SEMA5A: variants seen among roughly 807,000 people sequenced by gnomAD.
SEMA5A encodes semaphorin-5A.
A neutral mutation model predicts 135.5 loss-of-function variants in SEMA5A; 55 were observed. That is an observed-to-expected ratio of 0.41 (90% CI 0.33 to 0.51). The LOEUF (loss-of-function observed/expected upper bound fraction) is 0.51, where lower values mean the gene tolerates loss of function less well. SEMA5A is among the 20% of genes least tolerant of loss of function. The probability of loss-of-function intolerance (pLI) is 0.37; values close to 1 mark genes in which losing one functional copy is unlikely to be tolerated. For synonymous variants in SEMA5A, 580 were observed against 546.5 expected, an observed-to-expected ratio of 1.06 and a Z score of -0.85; for missense variants, 1,290 against 1,419.9, an observed-to-expected ratio of 0.91 and a Z score of 1.47.
At chr5:9,197,089 T>A in intron 10 of SEMA5A, 79 bp downstream of exon 10, 1 of 1,583,574 alleles carries the variant, frequency 6.3e-7, no homozygotes, top group Non-Finnish European at 8.6e-7. Flanking sequence ...CGGTTTAAAT[T>A]ACCCTTGCCT....
chr5:9,412,050 G>A (rs975853405), intron 2 of SEMA5A, among the ~76,000 whole-genome samples: 9 of 152,142 alleles, frequency 5.9e-5, no homozygotes, highest in Admixed American at 2.6e-4. Flanking sequence ...TCACCTATAG[G>A]AGGATAAACT....
chr5:9,048,192 T>A (rs908614515), intron 21 of SEMA5A, among the ~76,000 whole-genome samples: 2 of 152,174 alleles, frequency 1.3e-5, no homozygotes, highest in African/African-American at 4.8e-5. Flanking sequence ...CTACTGTGGC[T>A]CGAGCCTCCC....
intron 1 of SEMA5A, among the ~76,000 whole-genome samples, chr5:9,484,559 A>G (rs929367815): frequency 6.6e-6 from 1 of 152,230 alleles, no homozygotes; most frequent in African/African-American, 2.4e-5. Context: ...TACCAGAAAT[A>G]ACTCTGTAGA....
intron 14 of SEMA5A, among the ~76,000 whole-genome samples, chr5:9,119,772 T>C (rs1740709455): frequency 6.6e-6 from 1 of 152,168 alleles, no homozygotes; most frequent in African/African-American, 2.4e-5. Flanking sequence ...TTAAAAAGGA[T>C]GTTTAAATTC....
At chr5:9,049,320 C>T (rs1380610905) in intron 21 of SEMA5A, among the ~76,000 whole-genome samples, 1 of 152,118 alleles carries the variant, frequency 6.6e-6, no homozygotes, top group Non-Finnish European at 1.5e-5. Flanking sequence ...TGCCATCATG[C>T]CAGCTAATTT....
chr5:9,386,972 T>G (rs1014157191), intron 2 of SEMA5A, among the ~76,000 whole-genome samples: 1 of 152,148 alleles, frequency 6.6e-6, no homozygotes, highest in African/African-American at 2.4e-5. Context: ...CTCCCAGAAT[T>G]TGGAAGGTGA....
chr5:9,071,450 TC>T (rs1737765087), intron 16 of SEMA5A, among the ~76,000 whole-genome samples: 2 of 152,340 alleles, frequency 1.3e-5, no homozygotes, highest in East Asian at 3.9e-4. Flanking sequence ...AAGAACTTTG[TC>T]ACGTTTATTT....
intron 11 of SEMA5A, among the ~76,000 whole-genome samples, chr5:9,166,237 T>C (rs2150296227): frequency 6.6e-6 from 1 of 152,192 alleles, no homozygotes; most frequent in Admixed American, 6.5e-5. Context: ...ACCCTGTTGG[T>C]TTCCAGAACA....
chr5:9,450,493 T>C (rs1209603388), intron 1 of SEMA5A, among the ~76,000 whole-genome samples: 1 of 152,162 alleles, frequency 6.6e-6, no homozygotes, highest in African/African-American at 2.4e-5. Context: ...TTTTGCTGTC[T>C]GGACTCCCAT....
chr5:9,232,573 C>T (rs1224588900), intron 6 of SEMA5A, among the ~76,000 whole-genome samples: 1 of 151,988 alleles, frequency 6.6e-6, no homozygotes, highest in African/African-American at 2.4e-5. Flanking sequence ...TATGCACATG[C>T]AAATCACAGA....
intron 16 of SEMA5A, among the ~76,000 whole-genome samples, chr5:9,083,106 A>C (rs966853053): frequency 1.3e-5 from 2 of 152,228 alleles, no homozygotes; most frequent in East Asian, 3.8e-4. Context: ...CACATCATGA[A>C]TGATGTATTT....
Position 9,274,924 on chromosome 5 carries a change from A to G in SEMA5A, c.271-37034T>C, listed in dbSNP as rs1321659005. Among the ~76,000 whole-genome samples the G allele has an allele frequency of 4.6e-5, 7 of 152,278 alleles. No individual in the cohort carries two copies. The South Asian group carries it at 6.2e-4, about 14-fold the overall frequency. ...CACTTACATCAAAATTAATAGAACT[A>G]GAGAAGCAAGAGCAAACACATTCAA... On this transcript the variant is annotated intron_variant, in intron 5 of 22. Transcript: ENST00000382496.
chr5:9,125,935 T>C (rs1294579545), intron 13 of SEMA5A, among the ~76,000 whole-genome samples: 1 of 152,178 alleles, frequency 6.6e-6, no homozygotes, highest in Non-Finnish European at 1.5e-5. Flanking sequence ...TCACTTTCAC[T>C]GTGAGCAAAC....
At chr5:9,535,951 G>A (rs540704547) in intron 1 of SEMA5A, among the ~76,000 whole-genome samples, 7 of 152,272 alleles carry the variant, frequency 4.6e-5, no homozygotes, top group African/African-American at 1.4e-4. Context: ...TGACTTAGAT[G>A]TGGTCCTGTC....
intron 16 of SEMA5A, among the ~76,000 whole-genome samples, chr5:9,089,500 A>G (rs1169580775): frequency 3.9e-5 from 6 of 151,974 alleles, no homozygotes; most frequent in Non-Finnish European, 8.8e-5. Flanking sequence ...ATGGGTGAAT[A>G]TCGCAGTACA....
chr5:9,367,561 C>A (rs1754970171), intron 3 of SEMA5A, among the ~76,000 whole-genome samples: 1 of 152,174 alleles, frequency 6.6e-6, no homozygotes, highest in Admixed American at 6.5e-5. Context: ...TGTGATGGCA[C>A]CTCTGAAAGT....
chr5:9,167,526 C>T (rs1206702465), intron 11 of SEMA5A, among the ~76,000 whole-genome samples: 2 of 152,150 alleles, frequency 1.3e-5, no homozygotes, highest in African/African-American at 4.8e-5. Context: ...ATTTCAATGT[C>T]TCCCCCTTTC....
chr5:9,139,468 T>C (rs187906763), intron 12 of SEMA5A, among the ~76,000 whole-genome samples: 12 of 152,304 alleles, frequency 7.9e-5, no homozygotes, highest in African/African-American at 2.9e-4. Flanking sequence ...AAATAGAATT[T>C]CCCAATTGTC....
intron 2 of SEMA5A, among the ~76,000 whole-genome samples, chr5:9,396,611 C>T (rs1307457500): frequency 1.3e-5 from 2 of 152,144 alleles, no homozygotes; most frequent in Admixed American, 6.5e-5. Context: ...CCAGAGCCAA[C>T]TACCACAGCA....
Sources: allele counts gnomAD v4.1 joint callset (sites outside exome capture counted in the v4.1 genomes callset), GRCh38; gene constraint gnomAD v4.1.1; transcripts MANE v1.5; gene names NCBI Gene and HGNC (gene_info 2026-07-23, HGNC 2026-07-21).